Variants in NBPF20 observed in about 807,000 individuals in gnomAD.
NBPF20 encodes the protein NBPF member 20, also known as NBPF family member NBPF20.
NBPF20 carries 90 observed loss-of-function variants against 68.1 expected under a neutral mutation model. That is an observed-to-expected ratio of 1.32 (90% CI 1.11 to 1.58). The LOEUF (loss-of-function observed/expected upper bound fraction) is 1.58, where lower values mean the gene tolerates loss of function less well. NBPF20 is among the 40% of genes most tolerant of loss of function. The pLI is 0.00. For synonymous variants in NBPF20, 290 were observed against 228.1 expected, an observed-to-expected ratio of 1.27 and a Z score of -2.45; for missense variants, 816 against 601.2, an observed-to-expected ratio of 1.36 and a Z score of -3.74.
chr1:145,366,607 C>G lies in NBPF20; in HGVS notation c.5154-255G>C, dbSNP rs1448675131. 2.1e-3 allele frequency among the ~76,000 whole-genome samples: 180 copies of G among 84,330 alleles called. 2 individuals carry two copies. Among genetic ancestry groups the G allele is most frequent in the South Asian group, 3.4e-3 (9 of 2,618 alleles). The allele number at this position is 84,330 out of a possible 152,430, so 55.3% of individuals were successfully genotyped here. A position where few individuals can be genotyped will look rare whatever the true frequency, so the allele number is the denominator to read the frequency against. ...ACACACACAGACACACACACACACA[C>G]AGAGAGAACGAGCTCAGTGAATTGT... On this transcript the variant is annotated intron_variant, in intron 43 of 137. Coordinates refer to ENST00000369373, the Ensembl canonical transcript of NBPF20.
At chr1:145,414,337 CAG>C in the NBPF20 span, among the ~76,000 whole-genome samples, 2 of 151,826 alleles carry the variant, frequency 1.3e-5, no homozygotes, top group Admixed American at 6.6e-5. Context: ...ATGAAACAGA[CAG>C]GTAAGGAGGA....
chr1:145,393,618 A>T, intron 9 of NBPF20: 2 of 783,506 alleles, frequency 2.6e-6, no homozygotes, highest in Non-Finnish European at 2.0e-6. Flanking sequence ...ATTTTGCATA[A>T]AATGTGCTCA....
At chr1:145,407,481 C>T (rs1291934878), upstream of NBPF20, among the ~76,000 whole-genome samples, 5 of 142,438 alleles carry the variant, frequency 3.5e-5, no homozygotes, top group African/African-American at 1.3e-4. Context: ...AATATATATA[C>T]AAACACATGA....
At chr1:145,415,134 C>T in the NBPF20 span, among the ~76,000 whole-genome samples, 11 of 151,934 alleles carry the variant, frequency 7.2e-5, no homozygotes, top group East Asian at 1.4e-3. Context: ...CAGGTAAACA[C>T]GTGAACAAAT....
intron 136 of NBPF20, among the ~76,000 whole-genome samples, chr1:145,292,690 T>A (rs587761720): frequency 6.9e-6 from 1 of 145,778 alleles, no homozygotes; most frequent in Non-Finnish European, 1.5e-5. Context: ...GGGTAAAATG[T>A]CCCTATTCTA....
intron 119 of NBPF20, among the ~76,000 whole-genome samples, chr1:145,306,288 C>A (rs1661406923): frequency 6.7e-6 from 1 of 149,054 alleles, no homozygotes; most frequent in African/African-American, 2.5e-5. Context: ...CACACACACA[C>A]ACACACACAC....
chr1:145,403,708 G>A (rs1323164213), intron 2 of NBPF20, among the ~76,000 whole-genome samples: 23 of 151,994 alleles, frequency 1.5e-4, no homozygotes, highest in Non-Finnish European at 1.5e-4. Flanking sequence ...AGGCCCCTAG[G>A]ACTATGGGAC....
the NBPF20 span, among the ~76,000 whole-genome samples, chr1:145,412,250 C>T: frequency 1.5e-4 from 22 of 150,598 alleles, no homozygotes; most frequent in East Asian, 1.1e-3. Flanking sequence ...GGTTTCTTTT[C>T]GGCTACTTTG....
chr1:145,378,103 A>T lies in NBPF20; in HGVS notation c.3413-9T>A. The T allele has an allele frequency of 5.2e-6, 1 of 192,102 alleles. No individual in the cohort carries two copies. Among genetic ancestry groups the T allele is most frequent in the Non-Finnish European group, 9.4e-6 (1 of 106,104 alleles). The allele number at this position is 192,102 out of a possible 1,614,324, so 11.9% of individuals were successfully genotyped here. ...TTGGTACTTTTCAATTTCTGCAATA[A>T]GTTCAGACATGGACAGACATATTAA... is the stretch of plus-strand genomic sequence containing the variant. On this transcript the variant is annotated splice_polypyrimidine_tract_variant and intron_variant, in intron 28 of 137. Transcript: ENST00000369373.
chr1:145,396,687 G>A (rs1252342735), intron 7 of NBPF20, among the ~76,000 whole-genome samples: 11 of 149,840 alleles, frequency 7.3e-5, no homozygotes, highest in Non-Finnish European at 1.2e-4. Flanking sequence ...AAGAGAGTGG[G>A]AGCAATATTC....
the NBPF20 span, among the ~76,000 whole-genome samples, chr1:145,417,529 T>C: frequency 7.0e-6 from 1 of 143,302 alleles, no homozygotes; most frequent in Non-Finnish European, 1.5e-5. Flanking sequence ...AAAAAGCAAG[T>C]CACAGACTGG....
At chr1:145,291,875 G>A (rs1199541302) in intron 137 of NBPF20, 106 bp from the exon 143 acceptor site, 6 of 1,597,846 alleles carry the variant, frequency 3.8e-6, no homozygotes, top group East Asian at 2.2e-5. Context: ...AAAGAAAAAG[G>A]ATAGATCCAT....
chr1:145,400,862 G>A lies in NBPF20; in HGVS notation c.566+197C>T, dbSNP rs1335204792. On this transcript the variant is annotated intron_variant, in intron 5 of 137. Coordinates refer to ENST00000369373, the Ensembl canonical transcript of NBPF20. ...GATGAAGACTCAGCTATCCCTGTACGGTGCAGACGTGACACTCGGCACACA... is the reference window on the plus strand; with the variant it reads ...GATGAAGACTCAGCTATCCCTGTACAGTGCAGACGTGACACTCGGCACACA... 5.3e-5 allele frequency among the ~76,000 whole-genome samples: 8 copies of A among 151,778 alleles called. No individual in the cohort carries two copies. The East Asian group carries it at 7.7e-4, about 15-fold the overall frequency.
Position 145,298,379 on chromosome 1 carries a change from C to A in NBPF20, c.15684-245G>T, listed in dbSNP as rs1359404785. ...ACAGACACACACACACAGACACACA[C>A]ACACACACAGAGAGAGAGAACGAGC... On this transcript the variant is annotated intron_variant, in intron 129 of 137. Coordinates refer to ENST00000369373, the Ensembl canonical transcript of NBPF20. 8.1e-5 allele frequency among the ~76,000 whole-genome samples: 11 copies of A among 136,284 alleles called. 1 individual carries two copies. In the South Asian group the frequency reaches 2.3e-3, roughly 28 times the overall value. The allele number at this position is 136,284 out of a possible 152,430, so 89.4% of individuals were successfully genotyped here.
the NBPF20 span, among the ~76,000 whole-genome samples, chr1:145,425,019 G>C: frequency 6.6e-6 from 1 of 152,158 alleles, no homozygotes; most frequent in Non-Finnish European, 1.5e-5. Context: ...GGCCTCGAGG[G>C]TGGGGTGCGG....
chr1:145,390,371 C>G lies in NBPF20; in HGVS notation c.1494-255G>C, dbSNP rs1553662162. Among the ~76,000 whole-genome samples, 328 of 59,774 alleles carry G rather than the reference C, an allele frequency of 5.5e-3. 43 individuals carry two copies. The highest frequency in any genetic ancestry group is 0.022 in the African/African-American group (194 of 8,780). 39.2% of individuals were successfully genotyped at this position (59,774 alleles called of 152,430 possible). On this transcript the variant is annotated intron_variant, in intron 13 of 137. Transcript: ENST00000369373. ...ACACACACACAGACACACACACACA[C>G]AGAGAGAGAACGAGCTCAGTGAATT...
At chr1:145,394,587 A>G (rs1404895427) in intron 8 of NBPF20, among the ~76,000 whole-genome samples, 4 of 152,024 alleles carry the variant, frequency 2.6e-5, no homozygotes, top group African/African-American at 9.7e-5. Flanking sequence ...AAAGAACCAC[A>G]CAGACATGCT....
chr1:145,409,353 C>T (rs1662920166), upstream of NBPF20, among the ~76,000 whole-genome samples: 1 of 148,058 alleles, frequency 6.8e-6, no homozygotes, highest in Non-Finnish European at 1.5e-5. Flanking sequence ...CCATACGTGG[C>T]AGGCCAGGTC....
Position 145,292,232 on chromosome 1 carries a change from C to T in NBPF20, c.16697+149G>A, listed in dbSNP as rs1211761386. The T allele has an allele frequency of 1.0e-4, 69 of 677,970 alleles. No individual in the cohort carries two copies. In the East Asian group the frequency reaches 1.4e-3, roughly 14 times the overall value. 42.0% of individuals were successfully genotyped at this position (677,970 alleles called of 1,614,324 possible). On this transcript the variant is annotated intron_variant, in intron 137 of 137. Coordinates refer to ENST00000369373, the Ensembl canonical transcript of NBPF20. ...GGGGAGGAAGAAATGGAAACCTAAA[C>T]ATCTACTGCAATGAAAACCAACAGC...
Sources: gnomAD v4.1 joint callset for allele counts (sites outside exome capture counted in the v4.1 genomes callset) on GRCh38, gnomAD v4.1.1 for gene constraint, MANE v1.5 for transcripts, NCBI Gene and HGNC (gene_info 2026-07-23, HGNC 2026-07-21) for gene names.